Variants in LIPC observed in about 807,000 individuals in gnomAD.
LIPC encodes lipase C, hepatic type.
Under a neutral mutation model 50.7 loss-of-function variants are expected in LIPC, and 44 were observed. That is an observed-to-expected ratio of 0.87 (90% CI 0.68 to 1.11). The LOEUF (loss-of-function observed/expected upper bound fraction) is 1.11, where lower values mean the gene tolerates loss of function less well. LIPC is among the 50% of genes most tolerant of loss of function. LIPC has a pLI of 0.00. For synonymous variants in LIPC, 271 were observed against 256.4 expected (o/e 1.06, Z -0.54); for missense variants, 697 against 648.2 (o/e 1.08, Z -0.82).
intron 1 of LIPC, among the ~76,000 whole-genome samples, chr15:58,472,850 T>A (rs1237102387): frequency 6.6e-6 from 1 of 152,130 alleles, no homozygotes; most frequent in Non-Finnish European, 1.5e-5. Flanking sequence ...ACCAAGAAAC[T>A]GAGGCTTAGA....
chr15:58,566,424 G>A, intron 8 of LIPC: 1 of 984,914 alleles, frequency 1.0e-6, no homozygotes, highest in Non-Finnish European at 1.2e-6. Context: ...TCAAGACTCA[G>A]TTGTTTAGTG....
At chr15:58,552,704 G>A (rs2140936484) in intron 6 of LIPC, among the ~76,000 whole-genome samples, 1 of 152,346 alleles carries the variant, frequency 6.6e-6, no homozygotes, top group Middle Eastern at 3.4e-3. Context: ...GCTTCTCTCA[G>A]CTACTTCTTT....
At chr15:58,439,279 T>TCCC (rs1247324341) in intron 1 of LIPC, among the ~76,000 whole-genome samples, 4 of 152,212 alleles carry the variant, frequency 2.6e-5, no homozygotes, top group Non-Finnish European at 4.4e-5. Flanking sequence ...TTTTGTCTCT[T>TCCC]CCCCTCTTTA....
Position 58,496,743 on chromosome 15 carries a change from C to CAAAAAAAAAAAAAAAAAAAAAAAAAAA in LIPC, c.89-41573_89-41572insAAAAAAAAAAAAAAAAAAAAAAAAAAA, listed in dbSNP as rs10716717. Among the ~76,000 whole-genome samples the CAAAAAAAAAAAAAAAAAAAAAAAAAAA allele has an allele frequency of 3.5e-4, 40 of 114,170 alleles. 2 individuals carry two copies. The highest frequency in any genetic ancestry group is 5.4e-3 in the Middle Eastern group (1 of 186). The allele number at this position is 114,170 out of a possible 152,430, so 74.9% of individuals were successfully genotyped here. On this transcript the variant is annotated intron_variant, in intron 1 of 8. Transcript: ENST00000299022. The stretch of plus-strand genomic sequence containing the variant: ...GCCCTGCTACAGAAGTCTTCCCCCT[C>CAAAAAAAAAAAAAAAAAAAAAAAAAAA]AAAAAAAAAAAAAAAAATTAAGATG...
chr15:58,505,536 T>G (rs1892121074), intron 1 of LIPC, among the ~76,000 whole-genome samples: 1 of 152,172 alleles, frequency 6.6e-6, no homozygotes, highest in Admixed American at 6.5e-5. Context: ...GGGACAAACA[T>G]TTCATGAGTA....
intron 1 of LIPC, among the ~76,000 whole-genome samples, chr15:58,460,261 T>A (rs564983513): frequency 6.6e-6 from 1 of 152,150 alleles, no homozygotes; most frequent in Non-Finnish European, 1.5e-5. Context: ...TTTCCTGGAG[T>A]TCTAACTCTG....
At chr15:58,504,277 G>A (rs1892076545) in intron 1 of LIPC, among the ~76,000 whole-genome samples, 1 of 152,260 alleles carries the variant, frequency 6.6e-6, no homozygotes, top group East Asian at 1.9e-4. Flanking sequence ...AAATAAACAG[G>A]CTGTTGTCAG....
intron 5 of LIPC, among the ~76,000 whole-genome samples, chr15:58,546,656 C>T (rs186622529): frequency 5.3e-5 from 8 of 152,284 alleles, no homozygotes; most frequent in Admixed American, 3.9e-4. Flanking sequence ...GCACATTCCA[C>T]GGGCATTCCA....
intron 1 of LIPC, among the ~76,000 whole-genome samples, chr15:58,499,157 G>A (rs1445651933): frequency 1.3e-5 from 2 of 152,210 alleles, no homozygotes; most frequent in African/African-American, 2.4e-5. Flanking sequence ...CATGCACATC[G>A]ATCCTGATTT....
intron 5 of LIPC, 65 bp from the exon 6 acceptor site, chr15:58,548,265 G>A (rs1430766113): frequency 2.5e-6 from 4 of 1,611,638 alleles, no homozygotes; most frequent in Non-Finnish European, 3.4e-6. Flanking sequence ...GAACCAAGGT[G>A]ATCCTCTGAG....
At position 58,506,697 on chromosome 15, in the gene LIPC, C is replaced by T. The variant is rs535370782; in HGVS notation, c.89-31636C>T. Among the ~76,000 whole-genome samples, 152 of 152,326 alleles carry T rather than the reference C, an allele frequency of 1.0e-3. 1 individual carries two copies. Among genetic ancestry groups the T allele is most frequent in the African/African-American group, 3.5e-3 (145 of 41,576 alleles). The stretch of plus-strand genomic sequence containing the variant: ...ACACAGGCTCAAATTATGCTCTATT[C>T]AAAGCTGGCTGTGTTCCCAACTCCT... On this transcript the variant is annotated intron_variant, in intron 1 of 8. Transcript: ENST00000299022.
chr15:58,491,991 C>T (rs1891601949), intron 1 of LIPC, among the ~76,000 whole-genome samples: 1 of 152,202 alleles, frequency 6.6e-6, no homozygotes, highest in Non-Finnish European at 1.5e-5. Context: ...ATTTCTGACC[C>T]AGTTGGATAC....
intron 1 of LIPC, among the ~76,000 whole-genome samples, chr15:58,500,269 G>C (rs1471142637): frequency 3.9e-5 from 6 of 152,160 alleles, no homozygotes; most frequent in African/African-American, 1.4e-4. Context: ...TAGGTAAGGT[G>C]GGAATGGAAA....
intron 1 of LIPC, among the ~76,000 whole-genome samples, chr15:58,468,162 G>C (rs1894643915): frequency 6.6e-6 from 1 of 152,138 alleles, no homozygotes; most frequent in Non-Finnish European, 1.5e-5. Flanking sequence ...TAAGAATACT[G>C]GGTTCAAAAG....
At chr15:58,565,079 G>A in intron 8 of LIPC, 1 of 933,898 alleles carries the variant, frequency 1.1e-6, no homozygotes, top group Non-Finnish European at 1.6e-6. Flanking sequence ...GCAGATGTAT[G>A]CCCCTGAGTC....
chr15:58,506,472 G>A (rs1158519914), intron 1 of LIPC, among the ~76,000 whole-genome samples: 4 of 152,200 alleles, frequency 2.6e-5, no homozygotes, highest in Non-Finnish European at 4.4e-5. Flanking sequence ...GGGCAAAGCA[G>A]GTGCTGATGA....
intron 4 of LIPC, 34 bp downstream of exon 4, chr15:58,542,685 C>A: frequency 7.2e-7 from 1 of 1,391,584 alleles, no homozygotes; most frequent in Non-Finnish European, 1.0e-6. Context: ...CACTGATCTC[C>A]ACTCCATAGG....
At chr15:58,564,643 G>T (rs1373429267) in intron 8 of LIPC, among the ~76,000 whole-genome samples, 1 of 152,090 alleles carries the variant, frequency 6.6e-6, no homozygotes, top group Admixed American at 6.6e-5. Context: ...AGAAGAATCA[G>T]TTGAACCCAG....
At chr15:58,495,916 T>C (rs1460229265) in intron 1 of LIPC, among the ~76,000 whole-genome samples, 1 of 152,228 alleles carries the variant, frequency 6.6e-6, no homozygotes, top group Non-Finnish European at 1.5e-5. Flanking sequence ...CTCTGATATA[T>C]TATAGCAGAC....
Sources: allele counts gnomAD v4.1 joint callset (sites outside exome capture counted in the v4.1 genomes callset), GRCh38; gene constraint gnomAD v4.1.1; transcripts MANE v1.5; gene names NCBI Gene and HGNC (gene_info 2026-07-23, HGNC 2026-07-21).